Variants in TPST2 observed in about 807,000 individuals in gnomAD.
TPST2 encodes the protein protein-tyrosine sulfotransferase 2.
In TPST2, 16 loss-of-function variants were observed where a neutral mutation model predicts 27.8. The ratio of observed to expected loss-of-function variants is 0.58; its 90% CI spans 0.39 to 0.88. The LOEUF is 0.88. Ranked by LOEUF, TPST2 falls within the 40% of genes least tolerant of loss-of-function variation. The probability of loss-of-function intolerance (pLI) is 0.00; values close to 1 mark genes in which losing one functional copy is unlikely to be tolerated. For synonymous variants in TPST2, 229 were observed against 231.7 expected (o/e 0.99, Z 0.10); for missense variants, 464 against 543.1 (o/e 0.85, Z 1.45).
intron 1 of TPST2, among the ~76,000 whole-genome samples, chr22:26,559,581 C>T (rs986388713): frequency 2.0e-5 from 3 of 152,158 alleles, no homozygotes; most frequent in East Asian, 3.8e-4. Context: ...CCCAGGAGAC[C>T]ACTACTCTAC....
intron 1 of TPST2, among the ~76,000 whole-genome samples, chr22:26,547,053 T>G (rs989988312): frequency 1.3e-5 from 2 of 152,126 alleles, no homozygotes; most frequent in East Asian, 3.9e-4. Flanking sequence ...AGAGGGCAAA[T>G]GAGAGGGAGA....
intron 4 of TPST2, chr22:26,536,055 G>C (rs913747726): frequency 2.9e-6 from 2 of 689,530 alleles, no homozygotes; most frequent in Non-Finnish European, 5.4e-6. Flanking sequence ...CTGGCCTGCT[G>C]TTAGATGTTA....
At chr22:26,549,908 C>T (rs999252997) in intron 1 of TPST2, among the ~76,000 whole-genome samples, 24 of 149,412 alleles carry the variant, frequency 1.6e-4, no homozygotes, top group African/African-American at 4.9e-4. Flanking sequence ...TGTGGGGGAT[C>T]GCGCTTGGGA....
At chr22:26,560,729 G>T in intron 1 of TPST2, 1 of 1,103,396 alleles carries the variant, frequency 9.1e-7, no homozygotes, top group Middle Eastern at 2.7e-4. Context: ...AGGCGGACAA[G>T]GCCCATTACG....
chr22:26,569,365 A>G (rs1024998650), intron 1 of TPST2, among the ~76,000 whole-genome samples: 117 of 152,318 alleles, frequency 7.7e-4, no homozygotes, highest in African/African-American at 2.7e-3. Context: ...GAGGGGTGCT[A>G]TGTACGTTCA....
rs1925437639 is a variant in TPST2 at position 26,536,019 on chromosome 22, GAAAT to G, written c.1041+265_1041+268del. On this transcript the variant is annotated intron_variant, in intron 4 of 6. Transcript: ENST00000338754. ...GGGTAAAAATGTAAATAAAATTAGA[GAAAT>G]AAGATGAAATTAGTGTACAAGCTGG... 1.4e-5 allele frequency: 8 copies of G among 583,718 alleles called. No individual in the cohort carries two copies. In the East Asian group the frequency reaches 2.8e-4, roughly 20 times the overall value. The allele number at this position is 583,718 out of a possible 1,614,324, so 36.2% of individuals were successfully genotyped here.
chr22:26,530,256 T>G (rs1925079058), intron 5 of TPST2, among the ~76,000 whole-genome samples: 1 of 152,156 alleles, frequency 6.6e-6, no homozygotes, highest in East Asian at 1.9e-4. Flanking sequence ...TGCCTTTTTT[T>G]GTCCACCTGA....
In TPST2 at chr22:26,544,594, G is replaced by A; in HGVS notation, c.-89+10C>T. On this transcript the variant is annotated intron_variant, in intron 2 of 6. Transcript: ENST00000338754. ...GGACTCCAGGGGAAGTTCCTTCTAGGTGCACTTACCTCCCTTGGGCACTCT... is the reference window on the plus strand; with the variant it reads ...GGACTCCAGGGGAAGTTCCTTCTAGATGCACTTACCTCCCTTGGGCACTCT... 1.2e-5 allele frequency: 12 copies of A among 985,860 alleles called. No individual in the cohort carries two copies. The highest frequency in any genetic ancestry group is 1.4e-5 in the Non-Finnish European group (12 of 829,914). The allele number at this position is 985,860 out of a possible 1,614,324, so 61.1% of individuals were successfully genotyped here.
chr22:26,570,059 G>T (rs1244686443), intron 1 of TPST2, among the ~76,000 whole-genome samples: 2 of 145,972 alleles, frequency 1.4e-5, no homozygotes, highest in Non-Finnish European at 3.0e-5. Context: ...AAGAAAGAAA[G>T]AAAGAAGGAA....
intron 1 of TPST2, among the ~76,000 whole-genome samples, chr22:26,580,775 AGAG>A (rs1482562313): frequency 2.0e-5 from 3 of 152,166 alleles, no homozygotes; most frequent in Non-Finnish European, 4.4e-5. Flanking sequence ...TTGTTAAACA[AGAG>A]GAGTCTGGGG....
intron 1 of TPST2, among the ~76,000 whole-genome samples, chr22:26,547,855 G>A (rs1050086625): frequency 1.3e-5 from 2 of 152,186 alleles, no homozygotes; most frequent in African/African-American, 2.4e-5. Context: ...GGTGGTACTC[G>A]GGTGGTAGGT....
intron 1 of TPST2, among the ~76,000 whole-genome samples, chr22:26,587,323 G>T (rs73163239): frequency 0.33 from 50,623 of 151,882 alleles, 8,932 homozygotes; most frequent in Admixed American, 0.43. Context: ...TAAGCCACTG[G>T]GTCCTACACT....
At chr22:26,553,981 A>G (rs1365000553) in intron 1 of TPST2, among the ~76,000 whole-genome samples, 1 of 152,184 alleles carries the variant, frequency 6.6e-6, no homozygotes, top group African/African-American at 2.4e-5. Flanking sequence ...CCCCGCATGC[A>G]GAACCCAAGA....
At chr22:26,574,668 G>C (rs929421887) in intron 1 of TPST2, among the ~76,000 whole-genome samples, 4 of 152,176 alleles carry the variant, frequency 2.6e-5, no homozygotes, top group Non-Finnish European at 4.4e-5. Context: ...GTCCTAAGTA[G>C]AGAGGGTCTC....
chr22:26,525,376 G>A lies in TPST2; in HGVS notation c.*899C>T, dbSNP rs1204899417. ...TTACAGGTGCACACCACCACGCCCA[G>A]GTAATTTTTGTATTTTTAGTAGAGA... On this transcript the variant is annotated 3_prime_UTR_variant, in exon 7 of 7. Transcript: ENST00000338754. 1.3e-5 allele frequency: 2 copies of A among 152,222 alleles called. No individual in the cohort carries two copies. The highest frequency in any genetic ancestry group is 2.4e-5 in the African/African-American group (1 of 41,424). 9.4% of individuals were successfully genotyped at this position (152,222 alleles called of 1,614,324 possible).
chr22:26,529,916 G>C (rs932453275), intron 5 of TPST2, among the ~76,000 whole-genome samples: 3 of 152,090 alleles, frequency 2.0e-5, no homozygotes, highest in African/African-American at 7.2e-5. Context: ...CATGGCTTTT[G>C]AGCATTTCCT....
intron 1 of TPST2, among the ~76,000 whole-genome samples, chr22:26,589,516 C>T (rs1263074683): frequency 6.6e-6 from 1 of 152,160 alleles, no homozygotes; most frequent in Non-Finnish European, 1.5e-5. Context: ...CCAGTGACCT[C>T]CAAGTTCACT....
chr22:26,560,397 G>A (rs1047499130), intron 1 of TPST2: 12 of 608,054 alleles, frequency 2.0e-5, no homozygotes, highest in Non-Finnish European at 3.2e-5. Flanking sequence ...AGTGCCATAT[G>A]ACTTTTGTAA....
intron 1 of TPST2, among the ~76,000 whole-genome samples, chr22:26,584,372 G>A (rs935263670): frequency 6.6e-6 from 1 of 152,208 alleles, no homozygotes; most frequent in Non-Finnish European, 1.5e-5. Flanking sequence ...CAGGGAAGGA[G>A]TGTGGACAGA....
Sources: gnomAD v4.1 joint callset for allele counts (sites outside exome capture counted in the v4.1 genomes callset) on GRCh38, gnomAD v4.1.1 for gene constraint, MANE v1.5 for transcripts, NCBI Gene and HGNC (gene_info 2026-07-23, HGNC 2026-07-21) for gene names.